CACFD1: variants seen among roughly 807,000 people sequenced by gnomAD.
CACFD1 encodes calcium channel flower domain containing 1.
CACFD1 carries 26 observed loss-of-function variants against 21.3 expected under a neutral mutation model. The observed-to-expected ratio is 1.22, with a 90% CI of 0.89 to 1.69. The LOEUF (loss-of-function observed/expected upper bound fraction) is 1.69, where lower values mean the gene tolerates loss of function less well. Among genes scored for constraint, CACFD1 ranks in the 40% most tolerant of loss-of-function variants. The pLI, the probability that CACFD1 is intolerant of heterozygous loss-of-function variation, is 0.00. For missense variants in CACFD1, 265 were observed against 236.2 expected, an observed-to-expected ratio of 1.12 and a Z score of -0.80; for synonymous variants, 121 against 106.6, an observed-to-expected ratio of 1.13 and a Z score of -0.83.
intron 1 of CACFD1, among the ~76,000 whole-genome samples, chr9:133,460,499 T>A (rs587751435): frequency 5.5e-5 from 4 of 73,038 alleles, no homozygotes; most frequent in Admixed American, 1.4e-4. Context: ...GGCACCGGCC[T>A]GGGGCACGTG....
chr9:133,461,086 G>A (rs1046742090), intron 1 of CACFD1, among the ~76,000 whole-genome samples: 3 of 152,238 alleles, frequency 2.0e-5, no homozygotes, highest in African/African-American at 4.8e-5. Flanking sequence ...TACTGGAGTG[G>A]GCAAGGTCTT....
chr9:133,460,182 C>T lies in CACFD1; in HGVS notation c.116C>T (p.Ala39Val). 7 of 1,551,216 alleles carry T rather than the reference C, an allele frequency of 4.5e-6. No individual in the cohort carries two copies. Among genetic ancestry groups the T allele is most frequent in the Non-Finnish European group, 4.4e-6 (5 of 1,148,334 alleles). Residue 39 changes from alanine (A) to valine (V), a missense_variant, in exon 1 of 5, where the codon GCA (alanine) becomes GTA (valine). Ala to Val is a moderately conservative substitution (Grantham distance 64, BLOSUM62 0). Transcript: ENST00000316948. The part of the protein sequence containing the change: ...WLCRLSGVLG[A>V]VSCAISGLFN... ...TGTCGCCTGTCTGGGGTGCTGGGGG[C>T]AGTCTGTGAGTATCCAGTCGGGGAG...
chr9:133,460,437 T>TCC (rs1219823354), intron 1 of CACFD1, among the ~76,000 whole-genome samples: 1 of 67,804 alleles, frequency 1.5e-5, no homozygotes, highest in Non-Finnish European at 4.2e-5. Context: ...CTGGGAACAT[T>TCC]CCCGGAGGGA....
At chr9:133,466,607 T>C (rs1843447497) in intron 3 of CACFD1, among the ~76,000 whole-genome samples, 1 of 152,202 alleles carries the variant, frequency 6.6e-6, no homozygotes, top group Non-Finnish European at 1.5e-5. Context: ...TTTCTGTGTT[T>C]ATGATGATTT....
At chr9:133,464,120 A>T (rs1843332938) in intron 2 of CACFD1, among the ~76,000 whole-genome samples, 1 of 152,112 alleles carries the variant, frequency 6.6e-6, no homozygotes, top group Non-Finnish European at 1.5e-5. Context: ...ATCCCATCGG[A>T]AGGGAAGGCG....
intron 3 of CACFD1, among the ~76,000 whole-genome samples, chr9:133,466,120 T>C (rs587643459): frequency 6.6e-6 from 1 of 152,338 alleles, no homozygotes; most frequent in South Asian, 2.1e-4. Context: ...AGAGGCCCGG[T>C]AGTTTTGATG....
intron 1 of CACFD1, among the ~76,000 whole-genome samples, chr9:133,460,761 C>T (rs946705579): frequency 6.6e-6 from 1 of 152,092 alleles, no homozygotes; most frequent in Admixed American, 6.5e-5. Context: ...ACAGGTGGCC[C>T]CTGGGGCCGC....
chr9:133,462,294 G>A (rs1340056895), intron 1 of CACFD1: 2 of 1,303,064 alleles, frequency 1.5e-6, no homozygotes, highest in Non-Finnish European at 2.0e-6. Flanking sequence ...GCAGGCCCCT[G>A]TGTACCTGTG....
chr9:133,461,029 T>A (rs1404325813), intron 1 of CACFD1, among the ~76,000 whole-genome samples: 4 of 141,516 alleles, frequency 2.8e-5, no homozygotes, highest in African/African-American at 1.0e-4. Context: ...GACAAGTCTG[T>A]CTGAGTGATA....
chr9:133,464,162 C>T (rs587775670), intron 2 of CACFD1, among the ~76,000 whole-genome samples: 9 of 152,208 alleles, frequency 5.9e-5, no homozygotes, highest in Non-Finnish European at 1.0e-4. Context: ...GCTTGGGGCA[C>T]GTGAGAAGTG....
chr9:133,468,794 T>A lies in CACFD1; in HGVS notation c.*141T>A, dbSNP rs587747454. 1.0e-5 allele frequency: 14 copies of A among 1,387,752 alleles called. No individual in the cohort carries two copies. The East Asian group carries it at 3.1e-4, about 30-fold the overall frequency. The allele number at this position is 1,387,752 out of a possible 1,614,324, so 86.0% of individuals were successfully genotyped here. On this transcript the variant is annotated 3_prime_UTR_variant, in exon 5 of 5. Transcript: ENST00000316948. ...ACACCTGGAGTCCTCTGCTCCTTTCTCCAGACTGGCTTAAGCCAGGAGCCA... is the reference window on the plus strand; with the variant it reads ...ACACCTGGAGTCCTCTGCTCCTTTCACCAGACTGGCTTAAGCCAGGAGCCA...
chr9:133,462,166 T>C (rs1247000937), intron 1 of CACFD1: 1 of 1,303,908 alleles, frequency 7.7e-7, no homozygotes, highest in Non-Finnish European at 1.0e-6. Flanking sequence ...TGGGGTAGGG[T>C]TGGAGCTGGA....
Position 133,465,719 on chromosome 9 carries a change from G to C in CACFD1, c.320+272G>C. Reference sequence around the variant, plus strand: ...TGTGGCAGCATCCGTGCAGTGGAGAGAAAGTGGGAAGCGTCTGGAATTTTG... The same window carrying C: ...TGTGGCAGCATCCGTGCAGTGGAGACAAAGTGGGAAGCGTCTGGAATTTTG... On this transcript the variant is annotated intron_variant, in intron 3 of 4. Coordinates refer to ENST00000316948, the MANE Select transcript of CACFD1 (RefSeq NM_017586.5). The surrounding 1 kb of genome is among the most constrained non-coding windows in gnomAD (Gnocchi z 5.0). 2.5e-6 allele frequency: 1 copy of C among 394,318 alleles called. No homozygotes were observed. Among genetic ancestry groups the C allele is most frequent in the South Asian group, 3.4e-5 (1 of 29,072 alleles). The allele number at this position is 394,318 out of a possible 1,614,324, so 24.4% of individuals were successfully genotyped here. A position where few individuals can be genotyped will look rare whatever the true frequency, so the allele number is the denominator to read the frequency against.
Position 133,460,437 on chromosome 9 carries a change from T to G in CACFD1, c.121+250T>G, listed in dbSNP as rs1234895424. ...GCTGGGCTGGCGCTTCTGGGAACAT[T>G]CCCGGAGGGACCAGAAACCCCAGGG... is the stretch of plus-strand genomic sequence containing the variant. On this transcript the variant is annotated intron_variant, in intron 1 of 4. Transcript: ENST00000316948. Among the ~76,000 whole-genome samples, 4 of 67,862 alleles carry G rather than the reference T, an allele frequency of 5.9e-5. No homozygotes were observed. In the East Asian group the frequency reaches 1.4e-3, roughly 23 times the overall value. 44.5% of individuals were successfully genotyped at this position (67,862 alleles called of 152,430 possible).
chr9:133,468,887 T>G lies in CACFD1; in HGVS notation c.*234T>G, dbSNP rs1038589283. 3 of 609,106 alleles carry G rather than the reference T, an allele frequency of 4.9e-6. No homozygotes were observed. Among genetic ancestry groups the G allele is most frequent in the Non-Finnish European group, 8.2e-6 (3 of 366,080 alleles). The allele number at this position is 609,106 out of a possible 1,614,324, so 37.7% of individuals were successfully genotyped here. On this transcript the variant is annotated 3_prime_UTR_variant, in exon 5 of 5. Transcript: ENST00000316948. ...GAGCCTGCAGCAGCTGTGTGGACAC[T>G]ACCCAGCCCTACTCCTCTGCTGGGT...
chr9:133,465,175 T>C lies in CACFD1; in HGVS notation c.195-147T>C. 4.6e-6 allele frequency: 4 copies of C among 868,760 alleles called. No individual in the cohort carries two copies. Among genetic ancestry groups the C allele is most frequent in the Non-Finnish European group, 7.5e-6 (4 of 534,014 alleles). The allele number at this position is 868,760 out of a possible 1,614,324, so 53.8% of individuals were successfully genotyped here. ...CTCCGAGGGGTACGAGCAGGTGCCC[T>C]GGAGCAGCCGGGCGGCTTCCCAGAG... On this transcript the variant is annotated intron_variant, in intron 2 of 4. Transcript: ENST00000316948. This position sits in a 1 kb window ranked among gnomAD's most constrained non-coding sequence, Gnocchi z 5.0.
Position 133,459,998 on chromosome 9 carries a change from C to G in CACFD1, c.-69C>G. On this transcript the variant is annotated 5_prime_UTR_variant, in exon 1 of 5. Transcript: ENST00000316948. ...ATGCTCCCTCTCCCACAAGGCAGCG[C>G]GCCGGCTCGGACGCGGCCGGCTACC... The G allele has an allele frequency of 6.9e-7, 1 of 1,456,938 alleles. No individual in the cohort carries two copies. The highest frequency in any genetic ancestry group is 9.0e-7 in the Non-Finnish European group (1 of 1,106,434). The allele number at this position is 1,456,938 out of a possible 1,614,324, so 90.3% of individuals were successfully genotyped here. A position where few individuals can be genotyped will look rare whatever the true frequency, so the allele number is the denominator to read the frequency against.
intron 1 of CACFD1, among the ~76,000 whole-genome samples, chr9:133,460,465 G>GGGGGGCGGCGGGGGCGGC (rs973941952): frequency 4.6e-5 from 6 of 130,448 alleles, no homozygotes; most frequent in Admixed American, 1.5e-4. Context: ...CCCCAGGGCG[G>GGGGGGCGGCGGGGGCGGC]GGGGGCGGCG....
At position 133,460,441 on chromosome 9, in the gene CACFD1, G is replaced by T. The variant is rs587614279; in HGVS notation, c.121+254G>T. Among the ~76,000 whole-genome samples the T allele has an allele frequency of 4.7e-3, 684 of 145,474 alleles. 3 individuals are homozygous for T. The highest frequency in any genetic ancestry group is 6.3e-3 in the Non-Finnish European group (418 of 66,006). ...GGCTGGCGCTTCTGGGAACATTCCC[G>T]GAGGGACCAGAAACCCCAGGGCGGG... On this transcript the variant is annotated intron_variant, in intron 1 of 4. Transcript: ENST00000316948.
Sources: gnomAD v4.1 joint callset for allele counts (sites outside exome capture counted in the v4.1 genomes callset) on GRCh38, gnomAD v4.1.1 for gene constraint, Gnocchi (gnomAD v3.1) non-coding constraint, MANE v1.5 for transcripts, NCBI Gene and HGNC (gene_info 2026-07-23, HGNC 2026-07-21) for gene names.